Variants in PPP1R37 observed in about 807,000 individuals in gnomAD.
PPP1R37 encodes the protein leucine rich repeat containing 68.
PPP1R37 carries 21 observed loss-of-function variants against 61.0 expected under a neutral mutation model. The ratio of observed to expected loss-of-function variants is 0.34; its 90% CI spans 0.24 to 0.50. PPP1R37 has a LOEUF of 0.50. Among genes scored for constraint, PPP1R37 ranks in the 20% least tolerant of loss-of-function variants. PPP1R37 has a pLI of 0.98. For missense variants in PPP1R37, 910 were observed against 952.7 expected (o/e 0.96, Z 0.59); for synonymous variants, 443 against 433.5 (o/e 1.02, Z -0.27).
intron 1 of PPP1R37, among the ~76,000 whole-genome samples, chr19:45,112,944 T>C (rs1325995533): frequency 1.3e-5 from 2 of 152,314 alleles, no homozygotes; most frequent in East Asian, 3.9e-4. Context: ...CCCAAGGCCA[T>C]GTAAGCCCAA....
chr19:45,125,279 A>G (rs1340939204), intron 1 of PPP1R37, among the ~76,000 whole-genome samples: 2 of 152,058 alleles, frequency 1.3e-5, no homozygotes, highest in Non-Finnish European at 2.9e-5. Context: ...CCTGGCCAAC[A>G]TGGTGAAACC....
rs1482696021 is a variant in PPP1R37 at position 45,145,991 on chromosome 19, G to A, written c.1935G>A (p.Leu645=). The change falls in exon 11 of 13, where the codon CTG becomes CTA. Residue 645 remains leucine (L), a synonymous_variant. Coordinates refer to ENST00000221462, the MANE Select transcript of PPP1R37 (RefSeq NM_019121.2). ...NGLKPEFALA[L]PPEPPPGPEV... ...TGAAGCCCGAGTTCGCCCTGGCACT[G>A]CCCCCTGAGCCGCCCCCGGGGCCTG... 1 of 1,533,834 alleles carries A rather than the reference G, an allele frequency of 6.5e-7. No individual in the cohort carries two copies.
intron 1 of PPP1R37, among the ~76,000 whole-genome samples, chr19:45,131,578 G>A (rs1043926690): frequency 6.6e-6 from 1 of 152,222 alleles, no homozygotes; most frequent in Non-Finnish European, 1.5e-5. Flanking sequence ...AGCTGGCCAA[G>A]TGAAATTGTG....
At chr19:45,123,568 T>C (rs1968366632) in intron 1 of PPP1R37, among the ~76,000 whole-genome samples, 1 of 152,192 alleles carries the variant, frequency 6.6e-6, no homozygotes, top group Non-Finnish European at 1.5e-5. Context: ...AACCTCCCTC[T>C]GTCCGCTCCC....
rs2041263 is a variant in PPP1R37 at position 45,140,696 on chromosome 19, G to T, written c.447+90G>T. On this transcript the variant is annotated intron_variant, in intron 4 of 12. Coordinates refer to ENST00000221462, the MANE Select transcript of PPP1R37 (RefSeq NM_019121.2). The stretch of plus-strand genomic sequence containing the variant: ...GGGAGAGGACACTGCAGGAGGAGGG[G>T]GTCCCCTAGACAAAGGCTGAGGGGT... The T allele has an allele frequency of 7.8e-3, 7,796 of 993,292 alleles. 332 individuals are homozygous for T. In the African/African-American group the frequency reaches 0.1, roughly 13 times the overall value. The allele number at this position is 993,292 out of a possible 1,614,324, so 61.5% of individuals were successfully genotyped here. A position where few individuals can be genotyped will look rare whatever the true frequency, so the allele number is the denominator to read the frequency against.
chr19:45,097,873 C>A (rs1355058287), intron 1 of PPP1R37, among the ~76,000 whole-genome samples: 3 of 152,114 alleles, frequency 2.0e-5, no homozygotes, highest in African/African-American at 7.2e-5. Context: ...CTGGTGGTGT[C>A]TGAGAGCCAC....
At chr19:45,113,489 A>T (rs1437048316) in intron 1 of PPP1R37, among the ~76,000 whole-genome samples, 1 of 152,204 alleles carries the variant, frequency 6.6e-6, no homozygotes, top group Non-Finnish European at 1.5e-5. Context: ...GTCAGTGGCA[A>T]ATCTGAACTT....
intron 1 of PPP1R37, among the ~76,000 whole-genome samples, chr19:45,132,359 A>G (rs1242848274): frequency 6.6e-6 from 1 of 151,330 alleles, no homozygotes; most frequent in Admixed American, 6.6e-5. Flanking sequence ...AGGCTGGAGT[A>G]CAGCGACACA....
intron 1 of PPP1R37, among the ~76,000 whole-genome samples, chr19:45,106,565 T>C (rs937555342): frequency 6.6e-6 from 1 of 151,338 alleles, no homozygotes; most frequent in East Asian, 2.0e-4. Flanking sequence ...AGATGAGGTC[T>C]TCCTCTGTCG....
intron 2 of PPP1R37, 52 bp downstream of exon 2, chr19:45,138,663 T>G: frequency 7.3e-7 from 1 of 1,372,078 alleles, no homozygotes; most frequent in Non-Finnish European, 1.0e-6. Context: ...AGGGGGGCCC[T>G]AGGGTGGAAC....
At chr19:45,142,554 G>A in intron 7 of PPP1R37, 96 bp downstream of exon 7, 1 of 1,289,678 alleles carries the variant, frequency 7.8e-7, no homozygotes, top group Middle Eastern at 2.0e-4. Flanking sequence ...ACATGGCCAA[G>A]ACCACCCCAA....
At chr19:45,098,985 G>T (rs1411442303) in intron 1 of PPP1R37, among the ~76,000 whole-genome samples, 1 of 152,140 alleles carries the variant, frequency 6.6e-6, no homozygotes, top group East Asian at 1.9e-4. Context: ...CGATTTTTCT[G>T]TGTCTAAAAT....
At chr19:45,106,998 A>G (rs181066948) in intron 1 of PPP1R37, among the ~76,000 whole-genome samples, 1 of 151,238 alleles carries the variant, frequency 6.6e-6, no homozygotes, top group Admixed American at 6.6e-5. Flanking sequence ...TTGTGTTTTT[A>G]GTAGAGACGG....
At chr19:45,131,250 G>A (rs1044456511) in intron 1 of PPP1R37, among the ~76,000 whole-genome samples, 13 of 152,206 alleles carry the variant, frequency 8.5e-5, no homozygotes, top group Non-Finnish European at 1.5e-4. Context: ...CTGGGCGAGC[G>A]GCAGAGCCCC....
At chr19:45,141,993 TCCTGGGGCCAGGGAGTGCTGGGGCAGG>T in intron 5 of PPP1R37, 41 bp from the exon 6 acceptor site, 5 of 1,187,346 alleles carry the variant, frequency 4.2e-6, no homozygotes, top group Non-Finnish European at 5.7e-6. Flanking sequence ...GCTGGGGCGG[TCCTGGGGCCAGGGAGTGCTGGGGCAGG>T]CCTGAGCCAG....
At chr19:45,128,054 A>G (rs1247095410) in intron 1 of PPP1R37, among the ~76,000 whole-genome samples, 1 of 152,180 alleles carries the variant, frequency 6.6e-6, no homozygotes, top group Non-Finnish European at 1.5e-5. Context: ...CATTTATCGA[A>G]ATACCACATG....
chr19:45,134,543 G>T (rs1397963276), intron 1 of PPP1R37, among the ~76,000 whole-genome samples: 2 of 148,738 alleles, frequency 1.3e-5, no homozygotes, highest in East Asian at 1.9e-4. Flanking sequence ...TAAAATCTTA[G>T]TTTTGGTGTG....
chr19:45,096,437 T>A (rs571849210), intron 1 of PPP1R37, among the ~76,000 whole-genome samples: 12 of 152,296 alleles, frequency 7.9e-5, no homozygotes, highest in African/African-American at 2.6e-4. Context: ...TCTCTGCAAA[T>A]GGAGGTGCTA....
chr19:45,135,733 G>A (rs993777407), intron 1 of PPP1R37, among the ~76,000 whole-genome samples: 20 of 150,432 alleles, frequency 1.3e-4, no homozygotes, highest in African/African-American at 4.4e-4. Context: ...TGTGTGTCTT[G>A]TGAATTCTTC....
Sources: gnomAD v4.1 joint callset for allele counts (sites outside exome capture counted in the v4.1 genomes callset) on GRCh38, gnomAD v4.1.1 for gene constraint, MANE v1.5 for transcripts, NCBI Gene and HGNC (gene_info 2026-07-23, HGNC 2026-07-21) for gene names.